OLFM2: variants seen among roughly 807,000 people sequenced by gnomAD.
OLFM2 encodes the protein noelin-2.
OLFM2 carries 20 observed loss-of-function variants against 43.9 expected under a neutral mutation model. The ratio of observed to expected loss-of-function variants is 0.46; its 90% CI spans 0.32 to 0.66. The LOEUF (loss-of-function observed/expected upper bound fraction) is 0.66, where lower values mean the gene tolerates loss of function less well. OLFM2 is among the 30% of genes least tolerant of loss of function. The pLI, the probability that OLFM2 is intolerant of heterozygous loss-of-function variation, is 0.04. For missense variants in OLFM2, 416 were observed against 643.6 expected, an observed-to-expected ratio of 0.65 and a Z score of 3.83; for synonymous variants, 268 against 278.6, an observed-to-expected ratio of 0.96 and a Z score of 0.38.
chr19:9,904,414 C>A (rs2046768140), intron 1 of OLFM2, among the ~76,000 whole-genome samples: 1 of 151,952 alleles, frequency 6.6e-6, no homozygotes, highest in South Asian at 2.1e-4. Context: ...TAGTCTCGAA[C>A]CTCTGACCTC....
chr19:9,911,642 A>C (rs2046828393), intron 1 of OLFM2, among the ~76,000 whole-genome samples: 1 of 152,202 alleles, frequency 6.6e-6, no homozygotes, highest in Non-Finnish European at 1.5e-5. Context: ...ACACAAAGAT[A>C]CTTGCACACA....
intron 1 of OLFM2, among the ~76,000 whole-genome samples, chr19:9,887,694 A>T (rs958478109): frequency 6.6e-6 from 1 of 151,894 alleles, no homozygotes; most frequent in African/African-American, 2.4e-5. Flanking sequence ...CATGAATCAC[A>T]CTGAGTCTCT....
At position 9,856,991 on chromosome 19, in the gene OLFM2, G is replaced by T; in HGVS notation, c.581-78C>A. 1 of 1,218,698 alleles carries T rather than the reference G, an allele frequency of 8.2e-7. No individual in the cohort carries two copies. 75.5% of individuals were successfully genotyped at this position (1,218,698 alleles called of 1,614,324 possible). A position where few individuals can be genotyped will look rare whatever the true frequency, so the allele number is the denominator to read the frequency against. On this transcript the variant is annotated intron_variant, in intron 4 of 5. Coordinates refer to ENST00000264833, the MANE Select transcript of OLFM2 (RefSeq NM_058164.4). This position sits in a 1 kb window ranked among gnomAD's most constrained non-coding sequence, Gnocchi z 4.0. ...AGGCCAGGCAAAGATGAAGTGCTGT[G>T]ATCAAGTTGGGAAAGCTGGGACCAG... is the stretch of plus-strand genomic sequence containing the variant.
In OLFM2 at chr19:9,854,122, A is replaced by G. The variant is rs1249661252; in HGVS notation, c.*64T>C. 1.4e-6 allele frequency: 2 copies of G among 1,453,252 alleles called. No homozygotes were observed. The highest frequency in any genetic ancestry group is 1.4e-5 in the African/African-American group (1 of 71,596). 90.0% of individuals were successfully genotyped at this position (1,453,252 alleles called of 1,614,324 possible). A position where few individuals can be genotyped will look rare whatever the true frequency, so the allele number is the denominator to read the frequency against. On this transcript the variant is annotated 3_prime_UTR_variant, in exon 6 of 6. Transcript: ENST00000264833. This position sits in a 1 kb window ranked among gnomAD's most constrained non-coding sequence, Gnocchi z 9.5. ...GAGATCACCCTTGAGGGACACAGGC[A>G]GAATGAAAAGGGCCCCCAGCCCCCA...
At chr19:9,869,900 A>G (rs1285918493) in intron 1 of OLFM2, among the ~76,000 whole-genome samples, 1 of 152,102 alleles carries the variant, frequency 6.6e-6, no homozygotes, top group South Asian at 2.1e-4. Flanking sequence ...GATTACAGGC[A>G]TGCACCACTG....
intron 1 of OLFM2, among the ~76,000 whole-genome samples, chr19:9,899,266 A>G (rs969528560): frequency 2.7e-5 from 4 of 145,776 alleles, no homozygotes; most frequent in African/African-American, 8.3e-5. Flanking sequence ...TTCCATCTCA[A>G]TTAAAAAAAA....
Position 9,856,341 on chromosome 19 carries a change from G to A in OLFM2, c.687+466C>T, listed in dbSNP as rs1277003803. Among the ~76,000 whole-genome samples, 2 of 151,922 alleles carry A rather than the reference G, an allele frequency of 1.3e-5. No homozygotes were observed. Among genetic ancestry groups the A allele is most frequent in the African/African-American group, 2.4e-5 (1 of 41,362 alleles). On this transcript the variant is annotated intron_variant, in intron 5 of 5. Coordinates refer to ENST00000264833, the MANE Select transcript of OLFM2 (RefSeq NM_058164.4). The surrounding 1 kb of genome is among the most constrained non-coding windows in gnomAD (Gnocchi z 4.0). ...TCGAACTCCCGACCTCAGGTGATCC[G>A]CCCACCTCAGCCTCCCAAAGTGCTG...
intron 2 of OLFM2, 98 bp downstream of exon 2, chr19:9,860,547 C>T: frequency 7.5e-7 from 1 of 1,327,396 alleles, no homozygotes; most frequent in East Asian, 2.5e-5. Context: ...ATTTGCATAG[C>T]TGGATATGGC....
At chr19:9,918,118 A>G (rs2086397040) in intron 1 of OLFM2, among the ~76,000 whole-genome samples, 1 of 151,848 alleles carries the variant, frequency 6.6e-6, no homozygotes, top group Non-Finnish European at 1.5e-5. Flanking sequence ...ACCTCTAGAG[A>G]TCCACCCACC....
Position 9,854,877 on chromosome 19 carries a change from C to T in OLFM2, c.688-14G>A, listed in dbSNP as rs1023184056. 23 of 1,551,686 alleles carry T rather than the reference C, an allele frequency of 1.5e-5. No individual in the cohort carries two copies. The highest frequency in any genetic ancestry group is 5.7e-5 in the Admixed American group (3 of 52,214). Reference sequence around the variant, plus strand: ...CATGTACCAGACCTATGGTAGCAGCCGCTGGTCACTGGGGGGAACCACCAC... The same window carrying T: ...CATGTACCAGACCTATGGTAGCAGCTGCTGGTCACTGGGGGGAACCACCAC... On this transcript the variant is annotated splice_polypyrimidine_tract_variant and intron_variant, in intron 5 of 5. Transcript: ENST00000264833. This position sits in a 1 kb window ranked among gnomAD's most constrained non-coding sequence, Gnocchi z 9.5.
At chr19:9,934,824 T>C (rs1449837092) in intron 1 of OLFM2, among the ~76,000 whole-genome samples, 1 of 152,100 alleles carries the variant, frequency 6.6e-6, no homozygotes, top group Non-Finnish European at 1.5e-5. Context: ...GGCCTGGAAA[T>C]CCTTCTATCT....
At chr19:9,862,040 A>G (rs550038830) in intron 1 of OLFM2, among the ~76,000 whole-genome samples, 2,006 of 99,254 alleles carry the variant, frequency 0.02, 44 homozygotes, top group African/African-American at 0.067. Flanking sequence ...AAAAAAAAAA[A>G]AAAAGAAGAT....
intron 1 of OLFM2, among the ~76,000 whole-genome samples, chr19:9,883,473 C>T (rs2046558307): frequency 6.6e-6 from 1 of 152,018 alleles, no homozygotes; most frequent in South Asian, 2.1e-4. Flanking sequence ...CGAGAATGGG[C>T]TGCTTAAAGG....
At chr19:9,864,706 C>G (rs531268671) in intron 1 of OLFM2, among the ~76,000 whole-genome samples, 144 of 151,350 alleles carry the variant, frequency 9.5e-4, no homozygotes, top group Non-Finnish European at 1.8e-3. Flanking sequence ...ACTGCAGCCT[C>G]GAACTCCTGG....
intron 1 of OLFM2, among the ~76,000 whole-genome samples, chr19:9,897,934 G>A (rs957539961): frequency 6.6e-6 from 1 of 151,758 alleles, no homozygotes; most frequent in Admixed American, 6.6e-5. Context: ...ACAGGGTCTC[G>A]CTCTGTCACC....
chr19:9,906,487 G>C (rs2046786971), intron 1 of OLFM2, among the ~76,000 whole-genome samples: 1 of 152,112 alleles, frequency 6.6e-6, no homozygotes, highest in African/African-American at 2.4e-5. Flanking sequence ...CCCAAGAGCT[G>C]CTCAAACCTT....
chr19:9,873,963 C>T (rs925272292), intron 1 of OLFM2, among the ~76,000 whole-genome samples: 5 of 151,828 alleles, frequency 3.3e-5, no homozygotes, highest in Admixed American at 3.3e-4. Flanking sequence ...TCAACTTTTA[C>T]TTTTGGAATT....
chr19:9,910,161 C>T (rs2046816599), intron 1 of OLFM2, among the ~76,000 whole-genome samples: 2 of 152,168 alleles, frequency 1.3e-5, no homozygotes, highest in South Asian at 4.1e-4. Context: ...ATGATGGCAT[C>T]ACTACACTCC....
At position 9,908,071 on chromosome 19, in the gene OLFM2, C is replaced by T. The variant is rs190410704; in HGVS notation, c.63+28233G>A. 1.3e-3 allele frequency among the ~76,000 whole-genome samples: 205 copies of T among 152,182 alleles called. 4 individuals are homozygous for T. Among genetic ancestry groups the T allele is most frequent in the African/African-American group, 4.5e-3 (187 of 41,530 alleles). The stretch of plus-strand genomic sequence containing the variant: ...AGTCCCTGAAAGATCCCCCTCCCCA[C>T]GACATGATATGGCTCCCATCACCTT... On this transcript the variant is annotated intron_variant, in intron 1 of 5. Coordinates refer to ENST00000264833, the MANE Select transcript of OLFM2 (RefSeq NM_058164.4).
Sources: allele counts gnomAD v4.1 joint callset (sites outside exome capture counted in the v4.1 genomes callset), GRCh38; gene constraint gnomAD v4.1.1; non-coding constraint Gnocchi (gnomAD v3.1); transcripts MANE v1.5; gene names NCBI Gene and HGNC (gene_info 2026-07-23, HGNC 2026-07-21).